The following LIPC variants were observed in gnomAD, a reference collection of about 807,000 sequenced individuals.
LIPC encodes the protein hepatic triacylglycerol lipase.
LIPC carries 44 observed loss-of-function variants against 50.7 expected under a neutral mutation model. The ratio of observed to expected loss-of-function variants is 0.87; its 90% CI spans 0.68 to 1.11. The LOEUF (loss-of-function observed/expected upper bound fraction) is 1.11. LIPC is among the 50% of genes most tolerant of loss of function. LIPC has a pLI of 0.00. For missense variants in LIPC, 697 were observed against 648.2 expected (o/e 1.08, Z -0.82); for synonymous variants, 271 against 256.4 (o/e 1.06, Z -0.54).
intron 1 of LIPC, among the ~76,000 whole-genome samples, chr15:58,487,243 T>C (rs1891410712): frequency 6.6e-6 from 1 of 152,212 alleles, no homozygotes; most frequent in South Asian, 2.1e-4. Flanking sequence ...AACTAAATGA[T>C]CTTAAGTAGC....
chr15:58,441,292 T>C (rs1449794053), intron 1 of LIPC, among the ~76,000 whole-genome samples: 1 of 152,250 alleles, frequency 6.6e-6, no homozygotes, highest in African/African-American at 2.4e-5. Flanking sequence ...CCCATGAAAC[T>C]GAAGCAGGAG....
chr15:58,487,448 C>T (rs1891417768), intron 1 of LIPC, among the ~76,000 whole-genome samples: 2 of 152,202 alleles, frequency 1.3e-5, no homozygotes, highest in Non-Finnish European at 2.9e-5. Context: ...TTTTCTTTGG[C>T]ATTTAAAGCT....
At chr15:58,469,653 C>T (rs557886942) in intron 1 of LIPC, among the ~76,000 whole-genome samples, 1 of 152,314 alleles carries the variant, frequency 6.6e-6, no homozygotes, top group South Asian at 2.1e-4. Flanking sequence ...CAGGCCTGCC[C>T]TCGGGAGGAC....
At chr15:58,538,034 A>C (rs187512774) in intron 1 of LIPC, among the ~76,000 whole-genome samples, 102 of 152,334 alleles carry the variant, frequency 6.7e-4, no homozygotes, top group African/African-American at 2.4e-3. Flanking sequence ...CCGAGCCTCC[A>C]AAACTGCCTT....
intron 7 of LIPC, among the ~76,000 whole-genome samples, chr15:58,561,538 A>G (rs1277448389): frequency 6.6e-6 from 1 of 152,236 alleles, no homozygotes; most frequent in Non-Finnish European, 1.5e-5. Context: ...TATCAGACTT[A>G]AAAAGGTGCC....
At chr15:58,443,088 T>G (rs1287482960) in intron 1 of LIPC, among the ~76,000 whole-genome samples, 3 of 152,086 alleles carry the variant, frequency 2.0e-5, no homozygotes, top group Non-Finnish European at 4.4e-5. Context: ...AATTTTTCTG[T>G]TTTTAGTTTA....
At chr15:58,445,130 G>A (rs1217625451) in intron 1 of LIPC, among the ~76,000 whole-genome samples, 2 of 152,208 alleles carry the variant, frequency 1.3e-5, no homozygotes, top group African/African-American at 4.8e-5. Context: ...CCTGGGCTGG[G>A]GAGAGGCATC....
At chr15:58,469,122 GT>G (rs1261179270) in intron 1 of LIPC, among the ~76,000 whole-genome samples, 2 of 150,622 alleles carry the variant, frequency 1.3e-5, no homozygotes, top group East Asian at 1.9e-4. Context: ...GTGTGTGTGT[GT>G]GTGTGTGTGT....
intron 1 of LIPC, among the ~76,000 whole-genome samples, chr15:58,489,841 G>T (rs542285680): frequency 1.3e-5 from 2 of 152,092 alleles, no homozygotes; most frequent in African/African-American, 2.4e-5. Flanking sequence ...TTGCTGTAAG[G>T]TTCAACTATA....
At chr15:58,466,864 T>C (rs1272320093) in intron 1 of LIPC, among the ~76,000 whole-genome samples, 1 of 152,206 alleles carries the variant, frequency 6.6e-6, no homozygotes, top group Non-Finnish European at 1.5e-5. Context: ...CTTCGTAAAG[T>C]TGATTTTCAC....
intron 1 of LIPC, among the ~76,000 whole-genome samples, chr15:58,519,327 C>T (rs1336166465): frequency 2.0e-5 from 3 of 150,786 alleles, no homozygotes; most frequent in Non-Finnish European, 4.4e-5. Flanking sequence ...AGGAGAATGG[C>T]GTGAACCCGG....
At chr15:58,541,704 A>G (rs765110023) in intron 2 of LIPC, 81 bp from the exon 3 acceptor site, 110 of 1,389,406 alleles carry the variant, frequency 7.9e-5, no homozygotes, top group Non-Finnish European at 1.0e-4. Flanking sequence ...TTCCTCCAGC[A>G]TTATCCAGGA....
At chr15:58,498,864 G>C (rs1246005963) in intron 1 of LIPC, 1 of 152,236 alleles carries the variant, frequency 6.6e-6, no homozygotes, top group Non-Finnish European at 1.5e-5. Context: ...AAACTGCCAG[G>C]GAAAGAATGC....
intron 1 of LIPC, among the ~76,000 whole-genome samples, chr15:58,514,802 C>T (rs1343097311): frequency 1.4e-4 from 21 of 152,160 alleles, no homozygotes; most frequent in African/African-American, 3.6e-4. Flanking sequence ...CCAGCCTGGA[C>T]GACAGAGTGA....
At chr15:58,539,966 G>A (rs980942877) in intron 2 of LIPC, among the ~76,000 whole-genome samples, 2 of 152,172 alleles carry the variant, frequency 1.3e-5, no homozygotes, top group South Asian at 4.1e-4. Flanking sequence ...TTCCCGTGTG[G>A]CCCTGAGCAC....
In LIPC at chr15:58,557,438, G is replaced by A. The variant is rs541139784; in HGVS notation, c.1052-3426G>A. 6.8e-5 allele frequency among the ~76,000 whole-genome samples: 9 copies of A among 131,984 alleles called. No individual in the cohort carries two copies. The South Asian group carries it at 6.9e-4, about 10-fold the overall frequency. 86.6% of individuals were successfully genotyped at this position (131,984 alleles called of 152,430 possible). A position where few individuals can be genotyped will look rare whatever the true frequency, so the allele number is the denominator to read the frequency against. ...CTTGCTCTGTCACCCAGGCTGGAGC[G>A]CAGTGGCGCGATCTCAGCTCACTGT... On this transcript the variant is annotated intron_variant, in intron 6 of 8. Coordinates refer to ENST00000299022, the MANE Select transcript of LIPC (RefSeq NM_000236.3).
At chr15:58,527,783 A>G (rs1892836932) in intron 1 of LIPC, among the ~76,000 whole-genome samples, 2 of 151,648 alleles carry the variant, frequency 1.3e-5, no homozygotes, top group East Asian at 1.9e-4. Flanking sequence ...TTGAATGAAT[A>G]AATGAATTAA....
intron 1 of LIPC, among the ~76,000 whole-genome samples, chr15:58,520,453 A>C (rs1179938002): frequency 6.6e-6 from 1 of 152,062 alleles, no homozygotes; most frequent in Non-Finnish European, 1.5e-5. Context: ...TCTCCCCTAC[A>C]CATAAAGCCT....
chr15:58,560,387 A>G (rs941885456), intron 6 of LIPC, among the ~76,000 whole-genome samples: 5 of 152,230 alleles, frequency 3.3e-5, no homozygotes, highest in African/African-American at 1.2e-4. Flanking sequence ...ACTAGGGCAT[A>G]TATTTCTTGG....
Sources: gnomAD v4.1 joint callset for allele counts (sites outside exome capture counted in the v4.1 genomes callset) on GRCh38, gnomAD v4.1.1 for gene constraint, MANE v1.5 for transcripts, NCBI Gene and HGNC (gene_info 2026-07-23, HGNC 2026-07-21) for gene names.